Variants in MREG observed in about 807,000 individuals in gnomAD.
MREG encodes melanoregulin.
A neutral mutation model predicts 28.5 loss-of-function variants in MREG; 31 were observed. That is an observed-to-expected ratio of 1.09 (90% CI 0.82 to 1.47). MREG has a LOEUF of 1.47. Ranked by LOEUF, MREG falls within the 40% of genes most tolerant of loss-of-function variation. The pLI is 0.00. For synonymous variants in MREG, 106 were observed against 95.2 expected, an observed-to-expected ratio of 1.11 and a Z score of -0.66; for missense variants, 256 against 257.4, an observed-to-expected ratio of 0.99 and a Z score of 0.04.
At chr2:215,995,563 TCAATTCCTCTACA>T (rs1374893048) in intron 2 of MREG, among the ~76,000 whole-genome samples, 1 of 123,824 alleles carries the variant, frequency 8.1e-6, no homozygotes, top group East Asian at 2.4e-4. Flanking sequence ...CCTACCCTGC[TCAATTCCTCTACA>T]CAAAGAAGCA....
rs751518395 is a variant in MREG, at chr2:215,945,665, G to T, written c.416C>A (p.Thr139Lys). 4.2e-5 allele frequency: 68 copies of T among 1,613,846 alleles called. No homozygotes were observed. The highest frequency in any genetic ancestry group is 5.3e-5 in the Non-Finnish European group (63 of 1,179,868). ...KLSTISDSKN[T>K]RKAREMLLKL... is the part of the protein sequence containing the mutation. ...TAACAACATCTCTCGAGCTTTCCTT[G>T]TGTTTTTAGAATCACTGATGGTGCT... The change falls in exon 4 of 5, where the codon ACA becomes AAA. Residue 139 changes from threonine (T) to lysine (K), a missense_variant. Transcript: ENST00000263268.
intron 4 of MREG, 21 bp downstream of exon 4, chr2:215,945,550 T>A: frequency 6.2e-7 from 1 of 1,600,290 alleles, no homozygotes. Flanking sequence ...TTAGGGCAAA[T>A]GAAAAAAAGC....
At chr2:215,965,247 A>C (rs905786172) in intron 2 of MREG, among the ~76,000 whole-genome samples, 3 of 152,234 alleles carry the variant, frequency 2.0e-5, no homozygotes, top group African/African-American at 7.2e-5. Context: ...TGAAAATCCT[A>C]TTGATACATT....
chr2:215,988,994 C>T (rs1693653597), intron 2 of MREG, among the ~76,000 whole-genome samples: 1 of 152,182 alleles, frequency 6.6e-6, no homozygotes, highest in African/African-American at 2.4e-5. Flanking sequence ...TTCCTGCCTG[C>T]CGGCTCTGAA....
intron 1 of MREG, among the ~76,000 whole-genome samples, chr2:216,006,083 A>G (rs1484998544): frequency 6.6e-6 from 1 of 152,232 alleles, no homozygotes; most frequent in Non-Finnish European, 1.5e-5. Flanking sequence ...CTTTTTAAAC[A>G]TAGGTGGTGT....
At chr2:215,986,359 T>C (rs749351338) in intron 2 of MREG, among the ~76,000 whole-genome samples, 7 of 152,232 alleles carry the variant, frequency 4.6e-5, no homozygotes, top group Non-Finnish European at 7.3e-5. Flanking sequence ...GGCAAGCAGC[T>C]ATCTAGAGCT....
At chr2:215,966,134 G>A (rs907178522) in intron 2 of MREG, among the ~76,000 whole-genome samples, 1 of 152,190 alleles carries the variant, frequency 6.6e-6, no homozygotes, top group Admixed American at 6.5e-5. Flanking sequence ...GAATCAGAGG[G>A]ACAGGTCTAG....
chr2:215,995,615 C>A (rs1693852115), intron 2 of MREG, among the ~76,000 whole-genome samples: 1 of 151,464 alleles, frequency 6.6e-6, no homozygotes. Flanking sequence ...CAGGTTTCTC[C>A]TCAGAGGTAG....
intron 2 of MREG, among the ~76,000 whole-genome samples, chr2:215,958,951 C>T (rs1302023155): frequency 6.6e-6 from 1 of 152,122 alleles, no homozygotes; most frequent in Non-Finnish European, 1.5e-5. Flanking sequence ...ATTAGTATCC[C>T]TATTCTGGGG....
chr2:216,026,652 CA>C (rs1232518571), intron 1 of MREG, among the ~76,000 whole-genome samples: 1 of 152,166 alleles, frequency 6.6e-6, no homozygotes, highest in Non-Finnish European at 1.5e-5. Flanking sequence ...TGAGCCACCA[CA>C]ACTGGCTAAA....
At chr2:216,015,272 A>C (rs1462317955), upstream of MREG, among the ~76,000 whole-genome samples, 3 of 152,066 alleles carry the variant, frequency 2.0e-5, no homozygotes, top group Non-Finnish European at 4.4e-5. Context: ...CCTCGCTGAG[A>C]CTGTGACATG....
At position 215,963,599 on chromosome 2, in the gene MREG, A is replaced by G. The variant is rs545168268; in HGVS notation, c.256-16486T>C. On this transcript the variant is annotated intron_variant, in intron 2 of 4. Transcript: ENST00000263268. ...TACTAGAAAATTTAAAATGACTTAT[A>G]TGACTTGCATTGTATTTTTATTGGG... is the stretch of plus-strand genomic sequence containing the variant. Among the ~76,000 whole-genome samples, 4 of 152,334 alleles carry G rather than the reference A, an allele frequency of 2.6e-5. No homozygotes were observed. The South Asian group carries it at 8.3e-4, about 32-fold the overall frequency.
chr2:216,017,829 G>C (rs1461035505), upstream of MREG, among the ~76,000 whole-genome samples: 1 of 152,148 alleles, frequency 6.6e-6, no homozygotes, highest in East Asian at 1.9e-4. Context: ...AAAAGCACAG[G>C]CAGGGAGGAA....
rs1559173455 is a variant in MREG, at chr2:215,949,068, ACTACTAC to A, written c.256-1962_256-1956del. ...TACTACTACTACTACTACTACTACT[ACTACTAC>A]TACTACTACTACTAATAATAATAAT... On this transcript the variant is annotated intron_variant, in intron 2 of 4. Coordinates refer to ENST00000263268, the MANE Select transcript of MREG (RefSeq NM_018000.3). Among the ~76,000 whole-genome samples, 488 of 140,602 alleles carry A rather than the reference ACTACTAC, an allele frequency of 3.5e-3. 5 individuals carry two copies. Among genetic ancestry groups the A allele is most frequent in the Middle Eastern group, 3.6e-3 (1 of 276 alleles). 92.2% of individuals were successfully genotyped at this position (140,602 alleles called of 152,430 possible).
At chr2:215,988,499 G>C in intron 2 of MREG, among the ~76,000 whole-genome samples, 1 of 152,018 alleles carries the variant, frequency 6.6e-6, no homozygotes, top group East Asian at 1.9e-4. Flanking sequence ...AGCTACAAGA[G>C]TTTTTTTTCA....
intron 2 of MREG, among the ~76,000 whole-genome samples, chr2:215,954,477 C>CACACACACACACACAT (rs1692570394): frequency 6.6e-6 from 1 of 151,736 alleles, no homozygotes; most frequent in Admixed American, 6.6e-5. Context: ...CACACACACA[C>CACACACACACACACAT]ACACACAAAA....
At chr2:216,010,380 C>T (rs1309791508) in intron 1 of MREG, among the ~76,000 whole-genome samples, 9 of 19,920 alleles carry the variant, frequency 4.5e-4, no homozygotes, top group African/African-American at 1.4e-3. Context: ...TTTTTTGAGA[C>T]GGAGTCTCGC....
At chr2:216,011,552 T>C (rs1243377127) in intron 1 of MREG, among the ~76,000 whole-genome samples, 2 of 152,222 alleles carry the variant, frequency 1.3e-5, no homozygotes, top group Non-Finnish European at 2.9e-5. Context: ...CACAAATAAT[T>C]TTAATAACTT....
intron 2 of MREG, among the ~76,000 whole-genome samples, chr2:215,992,396 T>C (rs1693741141): frequency 6.6e-6 from 1 of 152,144 alleles, no homozygotes; most frequent in East Asian, 1.9e-4. Flanking sequence ...GGAATGTATC[T>C]CAAAATAATT....
Sources: gnomAD v4.1 joint callset for allele counts (sites outside exome capture counted in the v4.1 genomes callset) on GRCh38, gnomAD v4.1.1 for gene constraint, MANE v1.5 for transcripts, NCBI Gene and HGNC (gene_info 2026-07-23, HGNC 2026-07-21) for gene names.